The following KLF12 variants were observed in gnomAD, a reference collection of about 807,000 sequenced individuals.
The protein encoded by KLF12 is KLF transcription factor 12, also known as Krueppel-like factor 12.
A neutral mutation model predicts 37.8 loss-of-function variants in KLF12; 9 were observed. The observed-to-expected ratio is 0.24, with a 90% CI of 0.14 to 0.42. The LOEUF is 0.42. KLF12 is among the 10% of genes least tolerant of loss of function. The pLI, the probability that KLF12 is intolerant of heterozygous loss-of-function variation, is 1.00. For missense variants in KLF12, 411 were observed against 516.0 expected (o/e 0.80, Z 1.97); for synonymous variants, 208 against 202.1 (o/e 1.03, Z -0.25).
At chr13:74,138,566 A>G (rs897884622), upstream of KLF12, among the ~76,000 whole-genome samples, 1 of 152,166 alleles carries the variant, frequency 6.6e-6, no homozygotes, top group African/African-American at 2.4e-5. Context: ...AATTAGGGGG[A>G]AAATGCCATT....
At chr13:73,714,796 G>A (rs1408835337) in intron 7 of KLF12, among the ~76,000 whole-genome samples, 2 of 152,114 alleles carry the variant, frequency 1.3e-5, no homozygotes, top group East Asian at 1.9e-4. Flanking sequence ...AAGGCAGTGA[G>A]TCAATTGTGG....
rs564624854 is a variant in KLF12, at chr13:74,104,895, C to T, written c.-32+28844G>A. ...TTACCAAAATTGGGTTAGGTTCCCC[C>T]CTCCCCCGCGATGTATAAGTGGGCC... On this transcript the variant is annotated intron_variant, in intron 1 of 7. Transcript: ENST00000377669. Among the ~76,000 whole-genome samples, 5 of 152,192 alleles carry T rather than the reference C, an allele frequency of 3.3e-5. 1 individual carries two copies. The highest frequency in any genetic ancestry group is 9.6e-5 in the African/African-American group (4 of 41,508).
the KLF12 span, among the ~76,000 whole-genome samples, chr13:74,277,781 C>A: frequency 6.6e-6 from 1 of 152,086 alleles, no homozygotes; most frequent in Non-Finnish European, 1.5e-5. Context: ...TGTCCTGTCC[C>A]ATGGGATGTC....
the KLF12 span, among the ~76,000 whole-genome samples, chr13:74,261,214 A>G: frequency 2.6e-5 from 4 of 152,208 alleles, no homozygotes; most frequent in Admixed American, 2.6e-4. Flanking sequence ...TAACAGAATA[A>G]TATCAATAAT....
At chr13:74,090,900 G>T (rs1436772680) in intron 1 of KLF12, among the ~76,000 whole-genome samples, 1 of 149,394 alleles carries the variant, frequency 6.7e-6, no homozygotes, top group East Asian at 1.9e-4. Flanking sequence ...TATAGAAATT[G>T]CAAGAGATCC....
chr13:74,098,629 T>C (rs1367567562), intron 1 of KLF12, among the ~76,000 whole-genome samples: 2 of 152,226 alleles, frequency 1.3e-5, no homozygotes, highest in African/African-American at 2.4e-5. Context: ...AATGGCTATA[T>C]CAAACCTCAT....
chr13:73,823,564 G>A (rs1399321326), intron 4 of KLF12, among the ~76,000 whole-genome samples: 1 of 152,146 alleles, frequency 6.6e-6, no homozygotes, highest in Non-Finnish European at 1.5e-5. Flanking sequence ...AATCATGATT[G>A]AATTCCTTTT....
At chr13:74,003,157 C>A (rs528045199) in intron 1 of KLF12, among the ~76,000 whole-genome samples, 1 of 152,234 alleles carries the variant, frequency 6.6e-6, no homozygotes, top group East Asian at 1.9e-4. Context: ...CTTAGTAACA[C>A]CATAGGGAGC....
At chr13:73,834,693 G>A (rs1233760184) in intron 4 of KLF12, among the ~76,000 whole-genome samples, 7 of 152,054 alleles carry the variant, frequency 4.6e-5, no homozygotes, top group African/African-American at 9.7e-5. Flanking sequence ...TGTATTCTTC[G>A]TAGAGACGAG....
At chr13:73,733,284 T>C (rs1877207949) in intron 6 of KLF12, among the ~76,000 whole-genome samples, 1 of 152,122 alleles carries the variant, frequency 6.6e-6, no homozygotes, top group Admixed American at 6.5e-5. Flanking sequence ...AGAAACTCTG[T>C]TTCCACTATA....
At chr13:73,854,881 T>A (rs549417455) in intron 3 of KLF12, among the ~76,000 whole-genome samples, 35 of 152,316 alleles carry the variant, frequency 2.3e-4, no homozygotes, top group Non-Finnish European at 4.3e-4. Context: ...TCCAGGGATA[T>A]CGAGGGACAA....
At chr13:73,821,781 G>C (rs192547194) in intron 4 of KLF12, among the ~76,000 whole-genome samples, 3 of 152,224 alleles carry the variant, frequency 2.0e-5, no homozygotes, top group African/African-American at 7.2e-5. Context: ...CCTGAATCCA[G>C]CTTTATCTAG....
rs560290095 is a variant in KLF12 at position 73,745,039 on chromosome 13, G to A, written c.869+19899C>T. 2.6e-5 allele frequency among the ~76,000 whole-genome samples: 4 copies of A among 152,208 alleles called. No individual in the cohort carries two copies. The East Asian group carries it at 5.8e-4, about 22-fold the overall frequency. On this transcript the variant is annotated intron_variant, in intron 6 of 7. Transcript: ENST00000377669. ...CTAATGTAATCAGTCACTTTTATGA[G>A]TACCTAAAATTATAGCTGCTAGGTA...
At chr13:73,956,923 G>T (rs1246895631) in intron 2 of KLF12, among the ~76,000 whole-genome samples, 2 of 147,902 alleles carry the variant, frequency 1.4e-5, no homozygotes, top group African/African-American at 5.0e-5. Context: ...CCCTGTGAAA[G>T]AAAGGAAGGA....
intron 1 of KLF12, among the ~76,000 whole-genome samples, chr13:74,113,020 C>G (rs977572894): frequency 1.3e-5 from 2 of 152,206 alleles, no homozygotes; most frequent in African/African-American, 4.8e-5. Context: ...GATAGAAGCT[C>G]AAACCAGCCA....
chr13:73,947,957 A>C (rs1035878917), intron 2 of KLF12, among the ~76,000 whole-genome samples: 3 of 152,148 alleles, frequency 2.0e-5, no homozygotes, highest in Non-Finnish European at 4.4e-5. Context: ...GCTAGGCAAT[A>C]CTCAACAGTT....
At chr13:73,878,793 C>G (rs1886835793) in intron 3 of KLF12, among the ~76,000 whole-genome samples, 1 of 151,836 alleles carries the variant, frequency 6.6e-6, no homozygotes, top group African/African-American at 2.4e-5. Context: ...GGACAGTGCT[C>G]CAGAGACAGG....
chr13:74,195,612 G>GTTTA, the KLF12 span, among the ~76,000 whole-genome samples: 1 of 152,136 alleles, frequency 6.6e-6, no homozygotes, highest in East Asian at 1.9e-4. Context: ...TTGTTTGTTT[G>GTTTA]TTTTGAGATG....
intron 1 of KLF12, among the ~76,000 whole-genome samples, chr13:74,100,849 G>C (rs1006400324): frequency 3.9e-5 from 6 of 152,068 alleles, no homozygotes; most frequent in Admixed American, 3.9e-4. Context: ...CAGAATCAAA[G>C]TCCGACCTTC....
Sources: allele counts gnomAD v4.1 joint callset (sites outside exome capture counted in the v4.1 genomes callset), GRCh38; gene constraint gnomAD v4.1.1; transcripts MANE v1.5; gene names NCBI Gene and HGNC (gene_info 2026-07-23, HGNC 2026-07-21).